CAMTA1: variants seen among roughly 807,000 people sequenced by gnomAD.
CAMTA1 encodes calmodulin-binding transcription activator 1.
In CAMTA1, 27 loss-of-function variants were observed where a neutral mutation model predicts 170.9. The observed-to-expected ratio is 0.16, with a 90% CI of 0.12 to 0.22. The LOEUF (loss-of-function observed/expected upper bound fraction) is 0.22. Ranked by LOEUF, CAMTA1 falls within the 10% of genes least tolerant of loss-of-function variation. The pLI, the probability that CAMTA1 is intolerant of heterozygous loss-of-function variation, is 1.00. For synonymous variants in CAMTA1, 833 were observed against 891.5 expected, an observed-to-expected ratio of 0.93 and a Z score of 1.17; for missense variants, 1,619 against 2,217.2, an observed-to-expected ratio of 0.73 and a Z score of 5.42.
intron 5 of CAMTA1, among the ~76,000 whole-genome samples, chr1:7,367,198 A>G (rs968840670): frequency 1.3e-5 from 2 of 152,204 alleles, no homozygotes; most frequent in African/African-American, 4.8e-5. Flanking sequence ...ATTGAGTGTC[A>G]TATCAGCATT....
chr1:7,764,087 ATAG>A (rs2096998092), intron 22 of CAMTA1, among the ~76,000 whole-genome samples: 1 of 152,158 alleles, frequency 6.6e-6, no homozygotes, highest in Non-Finnish European at 1.5e-5. Context: ...TGAACAGACT[ATAG>A]CATGTTTCAA....
At chr1:7,343,460 G>A (rs1180983057) in intron 5 of CAMTA1, among the ~76,000 whole-genome samples, 1 of 152,190 alleles carries the variant, frequency 6.6e-6, no homozygotes, top group Non-Finnish European at 1.5e-5. Context: ...TAAAACAAAG[G>A]AGGAATTAGA....
At chr1:7,546,347 G>A (rs1284942342) in intron 6 of CAMTA1, among the ~76,000 whole-genome samples, 1 of 152,090 alleles carries the variant, frequency 6.6e-6, no homozygotes, top group Non-Finnish European at 1.5e-5. Context: ...TCCTTTTTAT[G>A]GCTGTATAGT....
intron 4 of CAMTA1, among the ~76,000 whole-genome samples, chr1:7,132,050 C>T (rs200266633): frequency 3.7e-5 from 1 of 26,676 alleles, no homozygotes; most frequent in Non-Finnish European, 8.1e-5. Context: ...GACTCTGTTA[C>T]ACACACACAC....
rs544101207 is a variant in CAMTA1, at chr1:7,508,315, G to A, written c.510+40414G>A. Reference sequence around the variant, plus strand: ...GGCCTGACTCCTGCATCCCACACCCGTCGGAAGAGGCGCTTCAGAGGCCCC... The same window carrying A: ...GGCCTGACTCCTGCATCCCACACCCATCGGAAGAGGCGCTTCAGAGGCCCC... On this transcript the variant is annotated intron_variant, in intron 6 of 22. Transcript: ENST00000303635. Among the ~76,000 whole-genome samples, 19 of 152,326 alleles carry A rather than the reference G, an allele frequency of 1.2e-4. No individual in the cohort carries two copies. The East Asian group carries it at 3.1e-3, about 25-fold the overall frequency.
chr1:7,568,864 C>G (rs923536997), intron 6 of CAMTA1, among the ~76,000 whole-genome samples: 14 of 150,978 alleles, frequency 9.3e-5, no homozygotes, highest in Non-Finnish European at 1.9e-4. Context: ...TCATCATCAT[C>G]AACATCACCA....
rs923351624 is a variant in CAMTA1 at position 7,768,542 on chromosome 1, A to G, written c.*2051A>G. 2 of 152,762 alleles carry G rather than the reference A, an allele frequency of 1.3e-5. No individual in the cohort carries two copies. Among genetic ancestry groups the G allele is most frequent in the Non-Finnish European group, 2.9e-5 (2 of 68,040 alleles). 9.5% of individuals were successfully genotyped at this position (152,762 alleles called of 1,614,324 possible). A position where few individuals can be genotyped will look rare whatever the true frequency, so the allele number is the denominator to read the frequency against. On this transcript the variant is annotated 3_prime_UTR_variant, in exon 23 of 23. Transcript: ENST00000303635. ...GTCTTTGGAAGGAAGGTAGATACAA[A>G]AAGATTGTGGTAAAAACTGGGGTCA... is the stretch of plus-strand genomic sequence containing the variant.
At chr1:7,579,069 G>T (rs1017554615) in intron 6 of CAMTA1, among the ~76,000 whole-genome samples, 2 of 152,210 alleles carry the variant, frequency 1.3e-5, no homozygotes, top group Non-Finnish European at 2.9e-5. Context: ...CAGGTGGAAA[G>T]GTCTGTCCTC....
intron 3 of CAMTA1, among the ~76,000 whole-genome samples, chr1:6,914,633 A>C (rs774868316): frequency 1.3e-4 from 20 of 152,126 alleles, no homozygotes; most frequent in Non-Finnish European, 2.8e-4. Flanking sequence ...GGTGGAACCT[A>C]TTCCCAGGCA....
chr1:7,140,798 T>C (rs1645845737), intron 4 of CAMTA1, among the ~76,000 whole-genome samples: 1 of 152,218 alleles, frequency 6.6e-6, no homozygotes, highest in African/African-American at 2.4e-5. Context: ...TGTACCGGTA[T>C]GTTAAACTTT....
At chr1:7,434,784 T>C (rs1326350326) in intron 5 of CAMTA1, among the ~76,000 whole-genome samples, 3 of 150,946 alleles carry the variant, frequency 2.0e-5, no homozygotes, top group Non-Finnish European at 4.4e-5. Flanking sequence ...CTCACGCCTG[T>C]AATCTCAGCA....
At chr1:7,276,073 A>G (rs1170789921) in intron 5 of CAMTA1, among the ~76,000 whole-genome samples, 1 of 151,586 alleles carries the variant, frequency 6.6e-6, no homozygotes, top group Admixed American at 6.6e-5. Flanking sequence ...AGGTGTGCAA[A>G]GTTGGTTTAA....
chr1:6,790,375 A>AGTGTGTGTGTGTGTGT (rs370868840), intron 1 of CAMTA1, among the ~76,000 whole-genome samples: 2 of 139,060 alleles, frequency 1.4e-5, no homozygotes, highest in African/African-American at 5.5e-5. Flanking sequence ...AGAGAGAGAG[A>AGTGTGTGTGTGTGTGT]GTGTGTGTGT....
intron 5 of CAMTA1, among the ~76,000 whole-genome samples, chr1:7,317,219 A>T (rs896663311): frequency 3.3e-5 from 5 of 152,220 alleles, no homozygotes; most frequent in African/African-American, 1.2e-4. Context: ...GCGAATCCCC[A>T]GGAGGCGTGT....
intron 3 of CAMTA1, among the ~76,000 whole-genome samples, chr1:6,905,635 G>T (rs1678279231): frequency 1.3e-5 from 2 of 152,140 alleles, no homozygotes; most frequent in South Asian, 4.1e-4. Flanking sequence ...TTGGGTAAAG[G>T]CTTCACATTC....
At chr1:7,312,996 T>C (rs1202814517) in intron 5 of CAMTA1, among the ~76,000 whole-genome samples, 2 of 152,168 alleles carry the variant, frequency 1.3e-5, no homozygotes, top group African/African-American at 4.8e-5. Context: ...TACTCCTTTT[T>C]TTCTGTGTGT....
rs539652882 is a variant in CAMTA1 at position 7,641,501 on chromosome 1, G to A, written c.664+948G>A. 6.6e-6 allele frequency among the ~76,000 whole-genome samples: 1 copy of A among 152,180 alleles called. No individual in the cohort carries two copies. ...TCTGCGGCTGGGAGGAAAGGTGAAGGTCCTGTGCCTGGGAGGGCCCAGGCT... is the reference window on the plus strand; with the variant it reads ...TCTGCGGCTGGGAGGAAAGGTGAAGATCCTGTGCCTGGGAGGGCCCAGGCT... On this transcript the variant is annotated intron_variant, in intron 7 of 22. Transcript: ENST00000303635. This position sits in a 1 kb window ranked among gnomAD's most constrained non-coding sequence, Gnocchi z 4.5.
chr1:7,330,293 G>T (rs2082945443), intron 5 of CAMTA1, among the ~76,000 whole-genome samples: 1 of 152,202 alleles, frequency 6.6e-6, no homozygotes, highest in South Asian at 2.1e-4. Flanking sequence ...CCCCAGCACA[G>T]GCTTGTAATA....
Position 7,224,780 on chromosome 1 carries a change from C to G in CAMTA1, c.303-24711C>G, listed in dbSNP as rs1426871099. On this transcript the variant is annotated intron_variant, in intron 4 of 22. Coordinates refer to ENST00000303635, the MANE Select transcript of CAMTA1 (RefSeq NM_015215.4). The surrounding 1 kb of genome is among the most constrained non-coding windows in gnomAD (Gnocchi z 5.2). ...TGGATATGCCTCCCTGCCCCGCTCCCCAGGGCCCTGCTCCGTAGCTGCTCC... is the reference window on the plus strand; with the variant it reads ...TGGATATGCCTCCCTGCCCCGCTCCGCAGGGCCCTGCTCCGTAGCTGCTCC... Among the ~76,000 whole-genome samples, 4 of 151,990 alleles carry G rather than the reference C, an allele frequency of 2.6e-5. No homozygotes were observed. Among genetic ancestry groups the G allele is most frequent in the Non-Finnish European group, 4.4e-5 (3 of 68,036 alleles).
Sources: gnomAD v4.1 joint callset for allele counts (sites outside exome capture counted in the v4.1 genomes callset) on GRCh38, gnomAD v4.1.1 for gene constraint, Gnocchi (gnomAD v3.1) non-coding constraint, MANE v1.5 for transcripts, NCBI Gene and HGNC (gene_info 2026-07-23, HGNC 2026-07-21) for gene names.